GRID2: variants seen among roughly 807,000 people sequenced by gnomAD.
GRID2 encodes glutamate receptor ionotropic, delta-2.
A neutral mutation model predicts 114.8 loss-of-function variants in GRID2; 33 were observed. That is an observed-to-expected ratio of 0.29 (90% confidence interval 0.22 to 0.38). The LOEUF is 0.38. GRID2 is among the 10% of genes least tolerant of loss of function. GRID2 has a pLI of 1.00. For missense variants in GRID2, 1,184 were observed against 1,257.7 expected, an observed-to-expected ratio of 0.94 and a Z score of 0.89; for synonymous variants, 505 against 449.9, an observed-to-expected ratio of 1.12 and a Z score of -1.55.
chr4:93,312,316 C>T (rs77206980), intron 8 of GRID2, among the ~76,000 whole-genome samples: 3 of 152,124 alleles, frequency 2.0e-5, no homozygotes, highest in East Asian at 1.9e-4. Context: ...TACTCCAAGG[C>T]GAAGAGTTAC....
chr4:92,847,079 T>C (rs1743380063), intron 2 of GRID2, among the ~76,000 whole-genome samples: 1 of 152,058 alleles, frequency 6.6e-6, no homozygotes, highest in Non-Finnish European at 1.5e-5. Flanking sequence ...ATGTCACAAG[T>C]CAATCCATGG....
rs538548464 is a variant in GRID2, at chr4:93,363,946, T to C, written c.1246-31661T>C. ...TCATTTTATACTTTTATATTCTCTA[T>C]TCTTCAGTTCTGTATTTTTATTCAT... On this transcript the variant is annotated intron_variant, in intron 8 of 15. Coordinates refer to ENST00000282020, the MANE Select transcript of GRID2 (RefSeq NM_001510.4). 2.9e-4 allele frequency among the ~76,000 whole-genome samples: 44 copies of C among 152,132 alleles called. 2 individuals are homozygous for C. In the South Asian group the frequency reaches 8.5e-3, roughly 29 times the overall value.
chr4:93,138,047 A>G (rs1735433419), intron 4 of GRID2, among the ~76,000 whole-genome samples: 1 of 124,534 alleles, frequency 8.0e-6, no homozygotes, highest in Non-Finnish European at 1.6e-5. Flanking sequence ...ATCTTGGCTT[A>G]TTGCAACTTC....
chr4:92,500,365 A>T (rs1052275990), intron 1 of GRID2, among the ~76,000 whole-genome samples: 1 of 151,886 alleles, frequency 6.6e-6, no homozygotes, highest in Non-Finnish European at 1.5e-5. Flanking sequence ...TTCTCAGTCT[A>T]TCTACAAAAG....
chr4:93,553,680 T>G (rs1279256921), intron 13 of GRID2, among the ~76,000 whole-genome samples: 1 of 152,206 alleles, frequency 6.6e-6, no homozygotes, highest in Admixed American at 6.5e-5. Flanking sequence ...TTTTAAAAGT[T>G]AATCCACAAG....
intron 4 of GRID2, among the ~76,000 whole-genome samples, chr4:93,129,430 G>A (rs934116444): frequency 7.2e-5 from 11 of 151,932 alleles, no homozygotes; most frequent in Admixed American, 4.6e-4. Context: ...TCAGAATCTA[G>A]CATTTCTTTT....
intron 2 of GRID2, among the ~76,000 whole-genome samples, chr4:92,594,278 ATTAT>A (rs2149214188): frequency 6.6e-6 from 1 of 152,036 alleles, no homozygotes; most frequent in African/African-American, 2.4e-5. Flanking sequence ...TTTGCTATTT[ATTAT>A]TTATGTTCAA....
chr4:92,419,575 T>C (rs1229443920), intron 1 of GRID2, among the ~76,000 whole-genome samples: 2 of 152,138 alleles, frequency 1.3e-5, no homozygotes, highest in African/African-American at 4.8e-5. Flanking sequence ...TGTTAGGTGA[T>C]TGGGCAGGTT....
chr4:92,654,521 C>T (rs1318286243), intron 2 of GRID2, among the ~76,000 whole-genome samples: 1 of 151,974 alleles, frequency 6.6e-6, no homozygotes, highest in East Asian at 1.9e-4. Context: ...GCAGTTTGAG[C>T]CAATTTGAGT....
intron 2 of GRID2, among the ~76,000 whole-genome samples, chr4:92,626,868 A>C (rs532520678): frequency 6.6e-6 from 1 of 152,222 alleles, no homozygotes; most frequent in South Asian, 2.1e-4. Flanking sequence ...TAATTTGTTT[A>C]AACAAATAAG....
At chr4:92,776,450 AC>A (rs1359811703) in intron 2 of GRID2, among the ~76,000 whole-genome samples, 1 of 151,982 alleles carries the variant, frequency 6.6e-6, no homozygotes. Context: ...ACATACAGCT[AC>A]CCACACAGAA....
At chr4:93,784,791 T>A (rs181125029) in intron 1 of GRID2, among the ~76,000 whole-genome samples, 1 of 152,168 alleles carries the variant, frequency 6.6e-6, no homozygotes, top group African/African-American at 2.4e-5. Flanking sequence ...ATAAAAGTGA[T>A]ACAATGTATT....
At chr4:93,222,529 A>G (rs889703952) in intron 6 of GRID2, among the ~76,000 whole-genome samples, 2 of 151,784 alleles carry the variant, frequency 1.3e-5, no homozygotes, top group Non-Finnish European at 2.9e-5. Flanking sequence ...GGTTTGTTAC[A>G]TACGTAAACA....
At chr4:92,819,805 C>CT (rs1427549849) in intron 2 of GRID2, among the ~76,000 whole-genome samples, 2 of 151,836 alleles carry the variant, frequency 1.3e-5, no homozygotes, top group Non-Finnish European at 2.9e-5. Flanking sequence ...GTTAAGTAAT[C>CT]TTTGGTATTA....
intron 2 of GRID2, among the ~76,000 whole-genome samples, chr4:92,682,461 A>C (rs1450058012): frequency 6.6e-6 from 1 of 152,146 alleles, no homozygotes; most frequent in Non-Finnish European, 1.5e-5. Context: ...GATCTACAGT[A>C]AGCTTTGAGA....
chr4:93,557,495 G>A (rs748296407), intron 13 of GRID2, among the ~76,000 whole-genome samples: 2 of 152,030 alleles, frequency 1.3e-5, no homozygotes, highest in East Asian at 1.9e-4. Context: ...ACAAAGAAAG[G>A]CATTACATAA....
intron 2 of GRID2, among the ~76,000 whole-genome samples, chr4:93,027,483 A>G (rs1046739857): frequency 1.3e-5 from 2 of 152,090 alleles, no homozygotes; most frequent in East Asian, 1.9e-4. Context: ...GAAGCCTTGT[A>G]TTGCTGGATT....
At chr4:93,442,861 G>A (rs1240550656) in intron 10 of GRID2, among the ~76,000 whole-genome samples, 1 of 151,902 alleles carries the variant, frequency 6.6e-6, no homozygotes, top group African/African-American at 2.4e-5. Context: ...GTTCAAAACT[G>A]AATTTCTGAT....
chr4:93,382,349 G>A (rs1237462939), intron 8 of GRID2, among the ~76,000 whole-genome samples: 1 of 151,904 alleles, frequency 6.6e-6, no homozygotes, highest in Non-Finnish European at 1.5e-5. Context: ...TCTTCTTATG[G>A]ACTCCATAAT....
Sources: allele counts gnomAD v4.1 joint callset (sites outside exome capture counted in the v4.1 genomes callset), GRCh38; gene constraint gnomAD v4.1.1; transcripts MANE v1.5; gene names NCBI Gene and HGNC (gene_info 2026-07-23, HGNC 2026-07-21).